Variants in SEMA5A observed in about 807,000 individuals in gnomAD.
The protein encoded by SEMA5A is semaphorin 5A, also known as semaphorin-5A.
Under a neutral mutation model 135.5 loss-of-function variants are expected in SEMA5A, and 55 were observed. That is an observed-to-expected ratio of 0.41 (90% confidence interval 0.33 to 0.51). The LOEUF is 0.51. Ranked by LOEUF, SEMA5A falls within the 20% of genes least tolerant of loss-of-function variation. The pLI, the probability that SEMA5A is intolerant of heterozygous loss-of-function variation, is 0.37. For missense variants in SEMA5A, 1,290 were observed against 1,419.9 expected, an observed-to-expected ratio of 0.91 and a Z score of 1.47; for synonymous variants, 580 against 546.5, an observed-to-expected ratio of 1.06 and a Z score of -0.85.
At chr5:9,510,796 C>T (rs1391175149) in intron 1 of SEMA5A, among the ~76,000 whole-genome samples, 2 of 152,160 alleles carry the variant, frequency 1.3e-5, no homozygotes, top group Non-Finnish European at 1.5e-5. Context: ...CCTAAGGCTA[C>T]CTTTGTAATT....
intron 5 of SEMA5A, among the ~76,000 whole-genome samples, chr5:9,241,565 C>CAAA (rs3061561): frequency 1.8e-5 from 2 of 111,786 alleles, no homozygotes; most frequent in African/African-American, 6.5e-5. Flanking sequence ...AAGAGAGCTA[C>CAAA]AAAAAAAAAA....
At chr5:9,053,161 C>T (rs893474531) in intron 19 of SEMA5A, among the ~76,000 whole-genome samples, 1 of 152,162 alleles carries the variant, frequency 6.6e-6, no homozygotes, top group Non-Finnish European at 1.5e-5. Context: ...CAGGTCATTC[C>T]TTCATGTCAG....
At chr5:9,439,427 G>A (rs906118074) in intron 1 of SEMA5A, among the ~76,000 whole-genome samples, 2 of 152,146 alleles carry the variant, frequency 1.3e-5, no homozygotes. Flanking sequence ...GTTTAGATCT[G>A]AGTTGAAATG....
At chr5:9,254,769 G>A (rs761840431) in intron 5 of SEMA5A, among the ~76,000 whole-genome samples, 3 of 152,088 alleles carry the variant, frequency 2.0e-5, no homozygotes, top group Non-Finnish European at 4.4e-5. Context: ...AGCAAGTAAA[G>A]GAGCTAAGAT....
intron 8 of SEMA5A, among the ~76,000 whole-genome samples, chr5:9,222,593 A>G (rs983951244): frequency 6.6e-6 from 1 of 152,224 alleles, no homozygotes; most frequent in Non-Finnish European, 1.5e-5. Context: ...TGACCTCTGA[A>G]TTACTTTCAG....
intron 11 of SEMA5A, among the ~76,000 whole-genome samples, chr5:9,167,246 A>G (rs981559793): frequency 3.3e-5 from 5 of 152,040 alleles, no homozygotes; most frequent in Non-Finnish European, 7.4e-5. Flanking sequence ...TGTCTTATCC[A>G]TTTCTATGAT....
chr5:9,108,785 G>C (rs1005203268), intron 15 of SEMA5A, among the ~76,000 whole-genome samples: 3 of 152,074 alleles, frequency 2.0e-5, no homozygotes, highest in Non-Finnish European at 4.4e-5. Context: ...TAGCATGAAG[G>C]CCCAAGTTAT....
chr5:9,165,083 G>A (rs953980984), intron 11 of SEMA5A, among the ~76,000 whole-genome samples: 8 of 152,076 alleles, frequency 5.3e-5, no homozygotes, highest in African/African-American at 1.7e-4. Flanking sequence ...TGTGTCTCAC[G>A]TGTATAATGG....
chr5:9,262,799 T>G (rs374470129), intron 5 of SEMA5A, among the ~76,000 whole-genome samples: 1 of 112,376 alleles, frequency 8.9e-6, no homozygotes, highest in African/African-American at 3.5e-5. Context: ...TAATGCTAGA[T>G]GACACGTTAG....
chr5:9,471,442 TAGAG>T (rs1317838763), intron 1 of SEMA5A, among the ~76,000 whole-genome samples: 3 of 152,126 alleles, frequency 2.0e-5, no homozygotes, highest in African/African-American at 7.2e-5. Context: ...GTGAGTTAAT[TAGAG>T]AGAGAATGGT....
At chr5:9,095,800 T>C (rs1169847021) in intron 16 of SEMA5A, among the ~76,000 whole-genome samples, 1 of 152,238 alleles carries the variant, frequency 6.6e-6, no homozygotes, top group Admixed American at 6.5e-5. Flanking sequence ...AAAGGAAGCA[T>C]GGTTTGCCAT....
At chr5:9,056,168 G>A (rs540722813) in intron 18 of SEMA5A, among the ~76,000 whole-genome samples, 13 of 152,254 alleles carry the variant, frequency 8.5e-5, no homozygotes, top group African/African-American at 3.1e-4. Context: ...GTAGATCCCT[G>A]GCCTCTGTAT....
chr5:9,123,721 A>G (rs1330927255), intron 13 of SEMA5A, among the ~76,000 whole-genome samples: 1 of 152,218 alleles, frequency 6.6e-6, no homozygotes, highest in African/African-American at 2.4e-5. Flanking sequence ...CATTCAATTC[A>G]GAACATATTT....
chr5:9,132,968 A>G (rs530545931), intron 13 of SEMA5A, among the ~76,000 whole-genome samples: 1 of 152,352 alleles, frequency 6.6e-6, no homozygotes, highest in African/African-American at 2.4e-5. Context: ...ACTGATTGCA[A>G]ACTTCCCTCT....
In SEMA5A at chr5:9,197,300, G is replaced by A; in HGVS notation, c.936C>T (p.Asn312=). ...LIYGIFTTNV[N]SIAASAVCVF... ...CGCACACAGCTGAGGCCGCAATGCT[G>A]TTCCTGGGAGCGGAGGGAGAGAGAG... The change falls in exon 10 of 23, where the codon AAC becomes AAT. Residue 312 remains asparagine (N), a synonymous_variant. Transcript: ENST00000382496. The A allele has an allele frequency of 6.2e-7, 1 of 1,605,980 alleles. No homozygotes were observed. Among genetic ancestry groups the A allele is most frequent in the Admixed American group, 1.7e-5 (1 of 59,042 alleles).
chr5:9,196,408 G>A (rs1375218221), intron 10 of SEMA5A, among the ~76,000 whole-genome samples: 2 of 152,180 alleles, frequency 1.3e-5, no homozygotes, highest in Non-Finnish European at 2.9e-5. Flanking sequence ...CAGGAAGAGA[G>A]AGCCCTCACC....
intron 8 of SEMA5A, among the ~76,000 whole-genome samples, chr5:9,220,567 TTGG>T (rs1746886402): frequency 6.6e-6 from 1 of 151,366 alleles, no homozygotes; most frequent in Non-Finnish European, 1.5e-5. Flanking sequence ...CAAAAAAAAT[TTGG>T]TATAGATGGG....
intron 2 of SEMA5A, among the ~76,000 whole-genome samples, chr5:9,399,252 A>G (rs868674940): frequency 1.3e-5 from 2 of 152,214 alleles, no homozygotes; most frequent in Non-Finnish European, 2.9e-5. Flanking sequence ...AGATGCTACA[A>G]TGAAGTGTTA....
intron 5 of SEMA5A, among the ~76,000 whole-genome samples, chr5:9,290,159 C>T (rs1751009107): frequency 6.6e-6 from 1 of 152,288 alleles, no homozygotes; most frequent in East Asian, 1.9e-4. Flanking sequence ...ATCACCCAAG[C>T]AGGCTACACT....
Sources: gnomAD v4.1 joint callset for allele counts (sites outside exome capture counted in the v4.1 genomes callset) on GRCh38, gnomAD v4.1.1 for gene constraint, MANE v1.5 for transcripts, NCBI Gene and HGNC (gene_info 2026-07-23, HGNC 2026-07-21) for gene names.